The following NCKAP5 variants were observed in gnomAD, a reference collection of about 807,000 sequenced individuals.
The protein encoded by NCKAP5 is NCK associated protein 5.
Under a neutral mutation model 167.0 loss-of-function variants are expected in NCKAP5, and 92 were observed. That is an observed-to-expected ratio of 0.55 (90% CI 0.47 to 0.66). The LOEUF (loss-of-function observed/expected upper bound fraction) is 0.66. Among genes scored for constraint, NCKAP5 ranks in the 30% least tolerant of loss-of-function variants. The probability of loss-of-function intolerance (pLI) is 0.00; values close to 1 mark genes in which losing one functional copy is unlikely to be tolerated. For missense variants in NCKAP5, 2,378 were observed against 2,315.0 expected (o/e 1.03, Z -0.56); for synonymous variants, 891 against 877.4 (o/e 1.02, Z -0.27).
chr2:133,219,568 T>C (rs2150197248), intron 4 of NCKAP5, among the ~76,000 whole-genome samples: 1 of 152,322 alleles, frequency 6.6e-6, no homozygotes, highest in East Asian at 1.9e-4. Context: ...ATTTTATATA[T>C]TAGGCTTCTG....
intron 5 of NCKAP5, among the ~76,000 whole-genome samples, chr2:133,191,743 G>T (rs906497356): frequency 6.6e-5 from 10 of 152,022 alleles, no homozygotes; most frequent in African/African-American, 2.4e-4. Context: ...ACAGGATGGG[G>T]AACATCACAC....
At chr2:133,111,689 G>T (rs1291137809) in intron 6 of NCKAP5, among the ~76,000 whole-genome samples, 1 of 152,122 alleles carries the variant, frequency 6.6e-6, no homozygotes, top group African/African-American at 2.4e-5. Context: ...GACTGGGCCC[G>T]GGTACCTTTT....
At chr2:133,166,063 G>A (rs2083988523) in intron 5 of NCKAP5, among the ~76,000 whole-genome samples, 1 of 152,120 alleles carries the variant, frequency 6.6e-6, no homozygotes, top group Non-Finnish European at 1.5e-5. Flanking sequence ...TCCTCTGGCA[G>A]TATCAAATAG....
At chr2:133,541,046 C>T (rs937572960) in intron 2 of NCKAP5, among the ~76,000 whole-genome samples, 2 of 149,652 alleles carry the variant, frequency 1.3e-5, no homozygotes, top group African/African-American at 4.9e-5. Context: ...CTAAATAAAT[C>T]TTATTCTTTG....
At chr2:133,317,521 C>A (rs527583657) in intron 3 of NCKAP5, among the ~76,000 whole-genome samples, 1 of 152,060 alleles carries the variant, frequency 6.6e-6, no homozygotes, top group Admixed American at 6.5e-5. Flanking sequence ...GGTGTGGAGG[C>A]GTCACCAGGG....
chr2:133,045,730 T>C (rs887426930), intron 6 of NCKAP5, among the ~76,000 whole-genome samples: 5 of 152,196 alleles, frequency 3.3e-5, no homozygotes, highest in Non-Finnish European at 7.3e-5. Flanking sequence ...ACTAGAACCA[T>C]TATAACATTC....
At chr2:133,127,614 T>C (rs2082445365) in intron 6 of NCKAP5, among the ~76,000 whole-genome samples, 1 of 152,216 alleles carries the variant, frequency 6.6e-6, no homozygotes, top group Admixed American at 6.5e-5. Flanking sequence ...TATAATTTAC[T>C]ATGCCATGTG....
At chr2:133,270,343 C>G (rs1315911619) in intron 4 of NCKAP5, among the ~76,000 whole-genome samples, 1 of 152,172 alleles carries the variant, frequency 6.6e-6, no homozygotes, top group East Asian at 1.9e-4. Flanking sequence ...AACTTACTCT[C>G]ATGTTTTAAA....
intron 11 of NCKAP5, among the ~76,000 whole-genome samples, chr2:132,809,831 T>G (rs1304086034): frequency 6.6e-6 from 1 of 152,128 alleles, no homozygotes; most frequent in Admixed American, 6.5e-5. Flanking sequence ...ACTTCAGTTT[T>G]TGGTTTGTTG....
chr2:132,776,860 G>A (rs920116660), intron 15 of NCKAP5, among the ~76,000 whole-genome samples: 1 of 152,136 alleles, frequency 6.6e-6, no homozygotes, highest in Non-Finnish European at 1.5e-5. Flanking sequence ...TTTCCCGGGA[G>A]TAAGAGGGCT....
chr2:133,052,742 G>A (rs2079649865), intron 6 of NCKAP5, among the ~76,000 whole-genome samples: 1 of 150,212 alleles, frequency 6.7e-6, no homozygotes, highest in Admixed American at 6.6e-5. Flanking sequence ...AGGAAAGTTC[G>A]ATGTAAAAAA....
chr2:132,899,223 C>T (rs1178312909), intron 8 of NCKAP5, among the ~76,000 whole-genome samples: 1 of 152,228 alleles, frequency 6.6e-6, no homozygotes, highest in African/African-American at 2.4e-5. Flanking sequence ...CCCTAAACCT[C>T]ATGAACTACC....
intron 11 of NCKAP5, among the ~76,000 whole-genome samples, chr2:132,832,950 T>C (rs1304668345): frequency 6.6e-6 from 1 of 152,130 alleles, no homozygotes; most frequent in East Asian, 1.9e-4. Context: ...TAGAGTGATC[T>C]CCATTCTATT....
At chr2:133,617,119 C>A in the NCKAP5 span, among the ~76,000 whole-genome samples, 1 of 152,180 alleles carries the variant, frequency 6.6e-6, no homozygotes, top group Non-Finnish European at 1.5e-5. Context: ...ATGCTAAAAA[C>A]TCTCAATAAA....
At chr2:133,494,093 T>G (rs779772375) in intron 3 of NCKAP5, among the ~76,000 whole-genome samples, 1 of 152,218 alleles carries the variant, frequency 6.6e-6, no homozygotes, top group Non-Finnish European at 1.5e-5. Flanking sequence ...TCAGAGACAG[T>G]GCCGTTGCAC....
rs112275002 is a variant in NCKAP5, at chr2:133,138,465, GA to G, written c.208-8355del. Among the ~76,000 whole-genome samples, 127 of 151,782 alleles carry G rather than the reference GA, an allele frequency of 8.4e-4. 1 individual carries two copies. The highest frequency in any genetic ancestry group is 2.4e-3 in the African/African-American group (100 of 41,398). On this transcript the variant is annotated intron_variant, in intron 5 of 19. Transcript: ENST00000409261. Reference sequence around the variant, plus strand: ...TTGCTTTTAATATCATCCTACAGCAGAAAAAAAATAGGATGAAAATTTATAT... The same window carrying G: ...TTGCTTTTAATATCATCCTACAGCAGAAAAAAATAGGATGAAAATTTATAT...
At chr2:132,981,808 C>T (rs2077149045) in intron 7 of NCKAP5, among the ~76,000 whole-genome samples, 1 of 152,154 alleles carries the variant, frequency 6.6e-6, no homozygotes, top group South Asian at 2.1e-4. Flanking sequence ...AAGTATCTGT[C>T]ATCTTAATTT....
At chr2:133,647,705 A>C in the NCKAP5 span, among the ~76,000 whole-genome samples, 1 of 47,894 alleles carries the variant, frequency 2.1e-5, no homozygotes, top group Non-Finnish European at 3.9e-5. Context: ...AAAGAAGGAA[A>C]GAAAAAGAAA....
At chr2:133,125,009 A>G (rs1975221) in intron 6 of NCKAP5, among the ~76,000 whole-genome samples, 22,628 of 152,086 alleles carry the variant, frequency 0.15, 1,953 homozygotes, top group East Asian at 0.37. Flanking sequence ...CTGCACCACT[A>G]CACTCCAGCC....
Sources: gnomAD v4.1 joint callset for allele counts (sites outside exome capture counted in the v4.1 genomes callset) on GRCh38, gnomAD v4.1.1 for gene constraint, MANE v1.5 for transcripts, NCBI Gene and HGNC (gene_info 2026-07-23, HGNC 2026-07-21) for gene names.